The following PCCA variants were observed in gnomAD, a reference collection of about 807,000 sequenced individuals.
The protein encoded by PCCA is propionyl-CoA carboxylase alpha chain, mitochondrial.
PCCA carries 74 observed loss-of-function variants against 101.3 expected under a neutral mutation model. That is an observed-to-expected ratio of 0.73 (90% CI 0.61 to 0.89). The LOEUF is 0.89. Ranked by LOEUF, PCCA falls within the 40% of genes least tolerant of loss-of-function variation. PCCA has a pLI of 0.00. For missense variants in PCCA, 891 were observed against 907.0 expected, an observed-to-expected ratio of 0.98 and a Z score of 0.23; for synonymous variants, 294 against 313.6, an observed-to-expected ratio of 0.94 and a Z score of 0.66.
chr13:100,311,276 T>G (rs1361234260), intron 16 of PCCA, among the ~76,000 whole-genome samples: 1 of 152,018 alleles, frequency 6.6e-6, no homozygotes, highest in Non-Finnish European at 1.5e-5. Flanking sequence ...TTACGTGATT[T>G]TTGTCAAATG....
chr13:100,446,609 A>G (rs1197651712), intron 20 of PCCA, among the ~76,000 whole-genome samples: 5 of 152,228 alleles, frequency 3.3e-5, no homozygotes, highest in Non-Finnish European at 7.3e-5. Context: ...TAGAAATGCC[A>G]GTGTCAAAAC....
At chr13:100,097,455 C>G (rs545524577) in intron 1 of PCCA, among the ~76,000 whole-genome samples, 3 of 152,162 alleles carry the variant, frequency 2.0e-5, no homozygotes, top group African/African-American at 7.2e-5. Context: ...TGCAGTGGCT[C>G]ACACCTGTAA....
intron 19 of PCCA, among the ~76,000 whole-genome samples, chr13:100,371,983 T>C (rs887061348): frequency 6.6e-6 from 1 of 152,228 alleles, no homozygotes; most frequent in African/African-American, 2.4e-5. Flanking sequence ...TTACTCTGTA[T>C]ACAAAACTAA....
intron 12 of PCCA, among the ~76,000 whole-genome samples, chr13:100,283,867 C>A (rs1464867993): frequency 6.6e-6 from 1 of 152,170 alleles, no homozygotes; most frequent in East Asian, 1.9e-4. Flanking sequence ...AAACAGGCTG[C>A]CGCCTCGTCC....
chr13:100,151,626 A>G (rs1458392472), intron 4 of PCCA, among the ~76,000 whole-genome samples: 1 of 152,038 alleles, frequency 6.6e-6, no homozygotes, highest in Non-Finnish European at 1.5e-5. Flanking sequence ...ACAAAACAAA[A>G]CAAAAAAAAC....
At chr13:100,200,625 A>G (rs1819586812) in intron 6 of PCCA, among the ~76,000 whole-genome samples, 1 of 150,380 alleles carries the variant, frequency 6.6e-6, no homozygotes, top group Admixed American at 6.7e-5. Flanking sequence ...ACAATATGTT[A>G]TCTTAACTAT....
In PCCA at chr13:100,478,876, A is replaced by G. The variant is rs527423916; in HGVS notation, c.1899+29571A>G. On this transcript the variant is annotated intron_variant, in intron 21 of 23. Coordinates refer to ENST00000376285, the MANE Select transcript of PCCA (RefSeq NM_000282.4). ...ATATTATAGTAACAGAATTCTTGGTACTAGAACTGGTAAGCCAAGAGAAAT... is the reference window on the plus strand; with the variant it reads ...ATATTATAGTAACAGAATTCTTGGTGCTAGAACTGGTAAGCCAAGAGAAAT... 1.3e-3 allele frequency among the ~76,000 whole-genome samples: 199 copies of G among 152,324 alleles called. 1 individual carries two copies. Among genetic ancestry groups the G allele is most frequent in the African/African-American group, 4.7e-3 (194 of 41,576 alleles).
chr13:100,367,851 G>A (rs1166743678), intron 18 of PCCA, among the ~76,000 whole-genome samples: 2 of 151,458 alleles, frequency 1.3e-5, no homozygotes, highest in African/African-American at 2.4e-5. Flanking sequence ...CCAGCCTCTC[G>A]GGAGGCTGAG....
chr13:100,142,386 C>T (rs762963747), intron 4 of PCCA, among the ~76,000 whole-genome samples: 2 of 151,998 alleles, frequency 1.3e-5, no homozygotes, highest in Admixed American at 6.6e-5. Flanking sequence ...GTCTTTAACC[C>T]GTCTTTATAG....
chr13:100,237,443 T>G (rs1320181062), intron 8 of PCCA: 2 of 152,188 alleles, frequency 1.3e-5, no homozygotes, highest in Non-Finnish European at 2.9e-5. Context: ...AAAAAGCCTA[T>G]CAGTACTTCA....
At position 100,273,378 on chromosome 13, in the gene PCCA, G is replaced by C. The variant is rs144296122; in HGVS notation, c.1065+32G>C. On this transcript the variant is annotated intron_variant, in intron 12 of 23. Transcript: ENST00000376285. ...ACAACTGTTATTTATTCCTCTCCAT[G>C]CCTCTGTACTTTACCCTTCCTTCTC... 2.6e-6 allele frequency: 4 copies of C among 1,562,610 alleles called. No individual in the cohort carries two copies. The East Asian group carries it at 9.0e-5, about 35-fold the overall frequency.
intron 4 of PCCA, among the ~76,000 whole-genome samples, chr13:100,143,781 G>T (rs1445904087): frequency 6.6e-6 from 1 of 151,920 alleles, no homozygotes; most frequent in Non-Finnish European, 1.5e-5. Flanking sequence ...TTGAGTCAGG[G>T]TCTTGCTCTG....
intron 21 of PCCA, among the ~76,000 whole-genome samples, chr13:100,475,525 C>T (rs1287282347): frequency 6.6e-6 from 1 of 152,166 alleles, no homozygotes; most frequent in Non-Finnish European, 1.5e-5. Context: ...TATGGATATA[C>T]CTTAACATTT....
At chr13:100,148,687 A>G (rs1271401627) in intron 4 of PCCA, among the ~76,000 whole-genome samples, 1 of 152,178 alleles carries the variant, frequency 6.6e-6, no homozygotes. Context: ...AGACTAAAAC[A>G]AAAAACAAAA....
At chr13:100,361,705 C>A (rs553252131) in intron 18 of PCCA, among the ~76,000 whole-genome samples, 1 of 152,196 alleles carries the variant, frequency 6.6e-6, no homozygotes, top group South Asian at 2.1e-4. Flanking sequence ...TGATAAGATG[C>A]GGTTTCCCAG....
At chr13:100,246,163 C>A (rs1459237468) in intron 8 of PCCA, among the ~76,000 whole-genome samples, 2 of 152,160 alleles carry the variant, frequency 1.3e-5, no homozygotes, top group Non-Finnish European at 2.9e-5. Context: ...ACAATACTTA[C>A]AACAGTTGGG....
chr13:100,272,132 C>T lies in PCCA; in HGVS notation c.915-1064C>T, dbSNP rs76648359. On this transcript the variant is annotated intron_variant, in intron 11 of 23. Transcript: ENST00000376285. Reference sequence around the variant, plus strand: ...TCAGGGTTTGTTGAAGTCATTTTAGCTTAACTTGCCTGCTTGAAGGTGGGT... The same window carrying T: ...TCAGGGTTTGTTGAAGTCATTTTAGTTTAACTTGCCTGCTTGAAGGTGGGT... 1.4e-3 allele frequency among the ~76,000 whole-genome samples: 219 copies of T among 152,220 alleles called. 2 individuals are homozygous for T. The East Asian group carries it at 0.039, about 27-fold the overall frequency.
chr13:100,163,143 T>C (rs2054663971), intron 6 of PCCA, among the ~76,000 whole-genome samples: 1 of 152,174 alleles, frequency 6.6e-6, no homozygotes, highest in South Asian at 2.1e-4. Flanking sequence ...TCAGATACTT[T>C]TAGGGCTTGT....
rs59230228 is a variant in PCCA, at chr13:100,260,398, T to TGTG, written c.717-2331_717-2330insGTG. ...AATTAGTTGTGTGTGTGTGTGTGTG[T>TGTG]TTTTTTTTTTTTTTTTGAGATGGAG... On this transcript the variant is annotated intron_variant, in intron 9 of 23. Coordinates refer to ENST00000376285, the MANE Select transcript of PCCA (RefSeq NM_000282.4). Among the ~76,000 whole-genome samples, 482 of 131,722 alleles carry TGTG rather than the reference T, an allele frequency of 3.7e-3. 1 individual carries two copies. Among genetic ancestry groups the TGTG allele is most frequent in the Middle Eastern group, 0.016 (4 of 256 alleles). 86.4% of individuals were successfully genotyped at this position (131,722 alleles called of 152,430 possible). A position where few individuals can be genotyped will look rare whatever the true frequency, so the allele number is the denominator to read the frequency against.
Sources: allele counts gnomAD v4.1 joint callset (sites outside exome capture counted in the v4.1 genomes callset), GRCh38; gene constraint gnomAD v4.1.1; transcripts MANE v1.5; gene names NCBI Gene and HGNC (gene_info 2026-07-23, HGNC 2026-07-21).